Variants in CADPS2 observed in about 807,000 individuals in gnomAD.
CADPS2 encodes calcium dependent secretion activator 2.
In CADPS2, 93 loss-of-function variants were observed where a neutral mutation model predicts 172.5. That is an observed-to-expected ratio of 0.54 (90% CI 0.46 to 0.64). The LOEUF (loss-of-function observed/expected upper bound fraction) is 0.64, where lower values mean the gene tolerates loss of function less well. CADPS2 is among the 30% of genes least tolerant of loss of function. The pLI is 0.00. For synonymous variants in CADPS2, 546 were observed against 555.2 expected (o/e 0.98, Z 0.23); for missense variants, 1,420 against 1,565.9 (o/e 0.91, Z 1.57).
At chr7:122,722,715 T>C (rs1193545107) in intron 2 of CADPS2, among the ~76,000 whole-genome samples, 2 of 119,950 alleles carry the variant, frequency 1.7e-5, no homozygotes, top group Non-Finnish European at 3.5e-5. Flanking sequence ...AGAGCCTGCA[T>C]TGCCAAGACA....
intron 2 of CADPS2, among the ~76,000 whole-genome samples, chr7:122,690,893 A>G (rs930107587): frequency 1.3e-5 from 2 of 152,198 alleles, no homozygotes; most frequent in Non-Finnish European, 2.9e-5. Context: ...CAGTCCAGGC[A>G]GCACAAGTAT....
At chr7:122,772,916 C>T (rs1285692221) in intron 1 of CADPS2, among the ~76,000 whole-genome samples, 1 of 151,916 alleles carries the variant, frequency 6.6e-6, no homozygotes, top group Non-Finnish European at 1.5e-5. Context: ...GACAAAAAGT[C>T]AACAATTTTA....
chr7:122,501,874 C>CAAAAAA (rs1173009562), intron 9 of CADPS2, among the ~76,000 whole-genome samples: 1 of 42,188 alleles, frequency 2.4e-5, no homozygotes, highest in Non-Finnish European at 4.7e-5. Flanking sequence ...GACTCCGTCT[C>CAAAAAA]AAAAAAAAAA....
intron 11 of CADPS2, among the ~76,000 whole-genome samples, chr7:122,482,027 T>TA (rs1477218838): frequency 6.6e-6 from 1 of 152,090 alleles, no homozygotes; most frequent in African/African-American, 2.4e-5. Context: ...AGACTCTGTC[T>TA]AAAAAAATTC....
intron 27 of CADPS2, 133 bp from the exon 28 acceptor site, chr7:122,345,814 G>A (rs971471259): frequency 1.8e-6 from 1 of 560,870 alleles, no homozygotes; most frequent in African/African-American, 1.9e-5. Context: ...AACCAAAAGT[G>A]AGCATCTTCA....
chr7:122,858,550 G>C (rs1282715705), intron 1 of CADPS2, among the ~76,000 whole-genome samples: 1 of 152,128 alleles, frequency 6.6e-6, no homozygotes, highest in Non-Finnish European at 1.5e-5. Context: ...ATAAGCTCCA[G>C]CTTCTAAGAC....
chr7:122,427,120 C>CTGTGTG (rs2049263881), intron 17 of CADPS2: 1 of 111,092 alleles, frequency 9.0e-6, no homozygotes, highest in African/African-American at 3.5e-5. Context: ...TACATAAATG[C>CTGTGTG]CGTGTGTGTG....
chr7:122,720,905 G>T (rs1376149714), intron 2 of CADPS2, among the ~76,000 whole-genome samples: 4 of 151,838 alleles, frequency 2.6e-5, no homozygotes, highest in Non-Finnish European at 5.9e-5. Flanking sequence ...AATATTGGCA[G>T]TTTCATATGG....
At chr7:122,787,037 A>C (rs1401505483) in intron 1 of CADPS2, among the ~76,000 whole-genome samples, 1 of 152,188 alleles carries the variant, frequency 6.6e-6, no homozygotes, top group Non-Finnish European at 1.5e-5. Context: ...AACAGTATGC[A>C]GGACTGTTTG....
At chr7:122,331,281 T>C (rs959448386) in intron 28 of CADPS2, 1 of 152,210 alleles carries the variant, frequency 6.6e-6, no homozygotes, top group African/African-American at 2.4e-5. Context: ...TTATTAGTAT[T>C]ATTTTTATGA....
At chr7:122,367,288 G>C (rs143768208) in intron 25 of CADPS2, among the ~76,000 whole-genome samples, 116 of 151,912 alleles carry the variant, frequency 7.6e-4, no homozygotes, top group Non-Finnish European at 8.8e-4. Flanking sequence ...TTATGAGAGA[G>C]AGAAAGCGAG....
At chr7:122,635,929 ATT>A (rs56364465) in intron 3 of CADPS2, among the ~76,000 whole-genome samples, 1 of 151,870 alleles carries the variant, frequency 6.6e-6, no homozygotes, top group Non-Finnish European at 1.5e-5. Context: ...CAGCTCCCAC[ATT>A]TTTTTTTGTT....
intron 2 of CADPS2, among the ~76,000 whole-genome samples, chr7:122,664,066 A>C (rs1588234512): frequency 1.2e-5 from 1 of 82,842 alleles, no homozygotes. Context: ...TTTATAAGCA[A>C]AAAAAAAAAA....
intron 2 of CADPS2, among the ~76,000 whole-genome samples, chr7:122,706,575 A>G (rs549506325): frequency 6.8e-6 from 1 of 147,632 alleles, no homozygotes; most frequent in South Asian, 2.1e-4. Context: ...TTAACAGCGA[A>G]TATGTATATA....
intron 3 of CADPS2, among the ~76,000 whole-genome samples, chr7:122,653,456 C>T (rs2079396124): frequency 6.6e-6 from 1 of 152,182 alleles, no homozygotes; most frequent in African/African-American, 2.4e-5. Flanking sequence ...CTATTCCTTT[C>T]TATAAAGAAC....
At chr7:122,675,329 T>C (rs1258424953) in intron 2 of CADPS2, among the ~76,000 whole-genome samples, 1 of 152,168 alleles carries the variant, frequency 6.6e-6, no homozygotes, top group Non-Finnish European at 1.5e-5. Context: ...GTTAACGCCC[T>C]AGATGTGGAG....
Position 122,388,680 on chromosome 7 carries a change from C to A in CADPS2, c.3067G>T (p.Val1023Phe), listed in dbSNP as rs1346687021. The change falls in exon 23 of 30, where the codon GTC (valine) becomes TTC (phenylalanine). Residue 1023 changes from valine (V) to phenylalanine (F), a missense_variant. Physicochemically the swap from Val to Phe is conservative, Grantham distance 50. Coordinates refer to ENST00000449022, the MANE Select transcript of CADPS2 (RefSeq NM_017954.11). ...FWKLDALQMF[V>F]FDLHWPEQEF... is the part of the protein sequence containing the mutation. ...TGTTCTGGCCAGTGCAGATCAAAGA[C>A]AAACATTTGCAGTGCATCAAGCTTC... 1.9e-6 allele frequency: 3 copies of A among 1,610,426 alleles called. No homozygotes were observed. The highest frequency in any genetic ancestry group is 2.5e-6 in the Non-Finnish European group (3 of 1,177,914).
chr7:122,695,296 T>C (rs1485361654), intron 2 of CADPS2, among the ~76,000 whole-genome samples: 1 of 152,182 alleles, frequency 6.6e-6, no homozygotes. Context: ...GCTTAATTCT[T>C]ACAAGGAACA....
rs1159803952 is a variant in CADPS2 at position 122,477,036 on chromosome 7, AG to A, written c.1862-2520del. Among the ~76,000 whole-genome samples the A allele has an allele frequency of 8.3e-3, 673 of 81,392 alleles. 31 individuals carry two copies. Among genetic ancestry groups the A allele is most frequent in the African/African-American group, 0.041 (601 of 14,750 alleles). 53.4% of individuals were successfully genotyped at this position (81,392 alleles called of 152,430 possible). Reference sequence around the variant, plus strand: ...AGGAGAGGAGAGGAGAGGAGAGGAGAGGAGAGGAGAGAGAGAAGAGAGAGAG... The same window carrying A: ...AGGAGAGGAGAGGAGAGGAGAGGAGAGAGAGGAGAGAGAGAAGAGAGAGAG... On this transcript the variant is annotated intron_variant, in intron 12 of 29. Transcript: ENST00000449022.
Sources: allele counts gnomAD v4.1 joint callset (sites outside exome capture counted in the v4.1 genomes callset), GRCh38; gene constraint gnomAD v4.1.1; transcripts MANE v1.5; gene names NCBI Gene and HGNC (gene_info 2026-07-23, HGNC 2026-07-21).